The following PARD3 variants were observed in gnomAD, a reference collection of about 807,000 sequenced individuals.
The protein encoded by PARD3 is partitioning defective 3 homolog.
In PARD3, 75 loss-of-function variants were observed where a neutral mutation model predicts 155.4. The observed-to-expected ratio is 0.48, with a 90% CI of 0.40 to 0.58. PARD3 has a LOEUF of 0.58. Among genes scored for constraint, PARD3 ranks in the 20% least tolerant of loss-of-function variants. The pLI is 0.00. For synonymous variants in PARD3, 576 were observed against 610.5 expected (o/e 0.94, Z 0.83); for missense variants, 1,642 against 1,721.7 (o/e 0.95, Z 0.82).
intron 2 of PARD3, among the ~76,000 whole-genome samples, chr10:34,549,024 C>G (rs183408766): frequency 1.9e-3 from 293 of 152,350 alleles, no homozygotes; most frequent in African/African-American, 6.7e-3. Flanking sequence ...AAACTGCAAC[C>G]AACAGGTAAC....
intron 5 of PARD3, among the ~76,000 whole-genome samples, chr10:34,416,539 C>T (rs139362100): frequency 6.8e-4 from 104 of 152,276 alleles, no homozygotes; most frequent in Non-Finnish European, 1.2e-3. Flanking sequence ...CCTATCAGGG[C>T]CAGGCTTCCC....
chr10:34,168,350 T>C (rs925156328), intron 22 of PARD3, among the ~76,000 whole-genome samples: 3 of 152,224 alleles, frequency 2.0e-5, no homozygotes, highest in African/African-American at 7.2e-5. Context: ...TGCAAAATTA[T>C]CTTAGTATAA....
intron 4 of PARD3, among the ~76,000 whole-genome samples, chr10:34,460,846 A>T (rs925077396): frequency 6.6e-6 from 1 of 152,074 alleles, no homozygotes; most frequent in African/African-American, 2.4e-5. Context: ...AAATAAAAAT[A>T]AAAATAAAAA....
chr10:34,525,504 G>C lies in PARD3; in HGVS notation c.223-8345C>G, dbSNP rs2082411997. Among the ~76,000 whole-genome samples the C allele has an allele frequency of 2.0e-5, 3 of 152,194 alleles. No homozygotes were observed. The South Asian group carries it at 6.2e-4, about 31-fold the overall frequency. ...ACCTCACCTATGGGTATATGTTCCAGCCTTGCCACTCTGCCAACCTTCCAA... is the reference window on the plus strand; with the variant it reads ...ACCTCACCTATGGGTATATGTTCCACCCTTGCCACTCTGCCAACCTTCCAA... On this transcript the variant is annotated intron_variant, in intron 2 of 24. Coordinates refer to ENST00000374788, the MANE Select transcript of PARD3 (RefSeq NM_001184785.2).
At chr10:34,173,200 G>A (rs963403578) in intron 22 of PARD3, among the ~76,000 whole-genome samples, 3 of 152,144 alleles carry the variant, frequency 2.0e-5, no homozygotes, top group African/African-American at 4.8e-5. Flanking sequence ...GAAAAACCCC[G>A]AAGTCTTGCA....
rs1453422409 is a variant in PARD3 at position 34,439,847 on chromosome 10, T to C, written c.714+10470A>G. 2.6e-5 allele frequency among the ~76,000 whole-genome samples: 4 copies of C among 152,180 alleles called. No homozygotes were observed. The East Asian group carries it at 7.7e-4, about 29-fold the overall frequency. On this transcript the variant is annotated intron_variant, in intron 5 of 24. Transcript: ENST00000374788. ...CCAACCCTACCGCAATACCGTACTT[T>C]AATTTCTTTATAATTTGTTCAGCTA...
intron 20 of PARD3, among the ~76,000 whole-genome samples, chr10:34,301,818 C>CT (rs5784408): frequency 0.47 from 58,905 of 125,648 alleles, 14,365 homozygotes; most frequent in African/African-American, 0.57. Flanking sequence ...TTTCTCCTTT[C>CT]TTTTTTTTTT....
At chr10:34,396,500 G>T (rs1249734879) in intron 7 of PARD3, among the ~76,000 whole-genome samples, 1 of 152,142 alleles carries the variant, frequency 6.6e-6, no homozygotes, top group East Asian at 1.9e-4. Context: ...ATTTGAGGTG[G>T]TCTGGGTTGT....
chr10:34,223,027 A>G (rs1483011655), intron 22 of PARD3, among the ~76,000 whole-genome samples: 3 of 152,080 alleles, frequency 2.0e-5, no homozygotes, highest in African/African-American at 7.2e-5. Flanking sequence ...TCTCATTGGG[A>G]ACTCATAGTA....
intron 22 of PARD3, among the ~76,000 whole-genome samples, chr10:34,210,774 T>C (rs1951707614): frequency 6.6e-6 from 1 of 152,118 alleles, no homozygotes; most frequent in Admixed American, 6.6e-5. Context: ...AACCATGTAA[T>C]TTCTAGGAAA....
intron 10 of PARD3, 51 bp from the exon 11 acceptor site, chr10:34,375,053 A>AACACACACACACACACACACACAC (rs35263377): frequency 2.7e-5 from 21 of 783,628 alleles, no homozygotes; most frequent in African/African-American, 2.1e-4. Flanking sequence ...ACAACAGGAA[A>AACACACACACACACACACACACAC]ACACACACAC....
chr10:34,393,994 C>G lies in PARD3; in HGVS notation c.890+5336G>C, dbSNP rs147045813. Among the ~76,000 whole-genome samples, 3 of 152,044 alleles carry G rather than the reference C, an allele frequency of 2.0e-5. No homozygotes were observed. The South Asian group carries it at 6.2e-4, about 32-fold the overall frequency. On this transcript the variant is annotated intron_variant, in intron 7 of 24. Transcript: ENST00000374788. ...CTGGGATTACAGGCGCACATCACCA[C>G]GCCCAGCTAATTTTTGTATTTTTAG...
At chr10:34,411,153 T>C (rs1269284478) in intron 5 of PARD3, among the ~76,000 whole-genome samples, 1 of 152,028 alleles carries the variant, frequency 6.6e-6, no homozygotes, top group African/African-American at 2.4e-5. Context: ...CAGACAGAGA[T>C]GGGGGAGGAG....
At chr10:34,318,214 C>T (rs1368039354) in intron 19 of PARD3, among the ~76,000 whole-genome samples, 1 of 152,140 alleles carries the variant, frequency 6.6e-6, no homozygotes, top group East Asian at 1.9e-4. Context: ...TCTCCCCCTA[C>T]CAAAAGAGCT....
chr10:34,199,521 T>C (rs1478613003), intron 22 of PARD3, among the ~76,000 whole-genome samples: 1 of 152,106 alleles, frequency 6.6e-6, no homozygotes, highest in Admixed American at 6.6e-5. Context: ...CATGGTTTCA[T>C]GAGGGTGACC....
intron 2 of PARD3, among the ~76,000 whole-genome samples, chr10:34,656,110 A>T (rs1483349608): frequency 1.3e-5 from 2 of 152,336 alleles, no homozygotes; most frequent in East Asian, 3.9e-4. Context: ...AGAAAAAAGT[A>T]AAGAGTAATT....
intron 23 of PARD3, among the ~76,000 whole-genome samples, chr10:34,127,165 T>C (rs1029801236): frequency 6.6e-6 from 1 of 152,170 alleles, no homozygotes; most frequent in African/African-American, 2.4e-5. Context: ...TTTCAAATCA[T>C]TTTCACTTTT....
intron 20 of PARD3, among the ~76,000 whole-genome samples, chr10:34,307,125 C>T (rs1452040108): frequency 3.9e-5 from 6 of 152,056 alleles, no homozygotes; most frequent in Non-Finnish European, 7.3e-5. Flanking sequence ...CTCCTGAACT[C>T]GTGATCCGCC....
chr10:34,268,606 G>T (rs1489597941), intron 22 of PARD3, among the ~76,000 whole-genome samples: 1 of 152,022 alleles, frequency 6.6e-6, no homozygotes, highest in Non-Finnish European at 1.5e-5. Flanking sequence ...CCATAAAAAA[G>T]GATGAGTTCA....
Sources: allele counts gnomAD v4.1 joint callset (sites outside exome capture counted in the v4.1 genomes callset), GRCh38; gene constraint gnomAD v4.1.1; transcripts MANE v1.5; gene names NCBI Gene and HGNC (gene_info 2026-07-23, HGNC 2026-07-21).